TMEM131: variants seen among roughly 807,000 people sequenced by gnomAD.
TMEM131 encodes transmembrane protein 131, also known as 2610524E03Rik.
Under a neutral mutation model 211.6 loss-of-function variants are expected in TMEM131, and 66 were observed. The ratio of observed to expected loss-of-function variants is 0.31; its 90% CI spans 0.26 to 0.38. The LOEUF is 0.38. TMEM131 is among the 10% of genes least tolerant of loss of function. The probability of loss-of-function intolerance (pLI) is 1.00; values close to 1 mark genes in which losing one functional copy is unlikely to be tolerated. For synonymous variants in TMEM131, 844 were observed against 841.3 expected (o/e 1.00, Z -0.06); for missense variants, 2,036 against 2,299.3 (o/e 0.89, Z 2.34).
intron 3 of TMEM131, among the ~76,000 whole-genome samples, chr2:97,905,103 T>C (rs928328966): frequency 1.3e-5 from 2 of 152,224 alleles, no homozygotes; most frequent in Non-Finnish European, 2.9e-5. Context: ...TGTTTTCACC[T>C]CAAATGGTTA....
chr2:97,823,587 C>T (rs1407306027), intron 11 of TMEM131, among the ~76,000 whole-genome samples: 7 of 152,130 alleles, frequency 4.6e-5, no homozygotes, highest in African/African-American at 1.4e-4. Flanking sequence ...AATTCCCTAC[C>T]GGTCAGCAAG....
intron 4 of TMEM131, among the ~76,000 whole-genome samples, chr2:97,866,650 CA>C (rs544135387): frequency 3.3e-5 from 5 of 152,102 alleles, no homozygotes; most frequent in Admixed American, 1.3e-4. Flanking sequence ...TCCTTCCCAG[CA>C]ATGTTTTTGC....
At chr2:97,836,858 A>G (rs768271794) in intron 8 of TMEM131, among the ~76,000 whole-genome samples, 3 of 151,972 alleles carry the variant, frequency 2.0e-5, no homozygotes, top group Non-Finnish European at 4.4e-5. Context: ...GTGGGGTAGA[A>G]CTCCCACCAA....
intron 2 of TMEM131, among the ~76,000 whole-genome samples, chr2:97,914,393 T>A (rs1448753686): frequency 2.0e-5 from 3 of 152,226 alleles, no homozygotes; most frequent in Admixed American, 1.3e-4. Flanking sequence ...CAGTTTTGTA[T>A]GTCCTCATTT....
intron 4 of TMEM131, 72 bp downstream of exon 4, chr2:97,887,980 G>T: frequency 8.1e-7 from 1 of 1,237,154 alleles, no homozygotes; most frequent in Non-Finnish European, 1.2e-6. Flanking sequence ...ACAGGCAAAA[G>T]ACAAGACAAA....
intron 11 of TMEM131, among the ~76,000 whole-genome samples, chr2:97,820,206 TTGGATCTCTAGC>T (rs1170345979): frequency 2.6e-5 from 4 of 152,360 alleles, no homozygotes; most frequent in African/African-American, 9.6e-5. Flanking sequence ...TCAATTGCTT[TTGGATCTCTAGC>T]TGGGGCTGGG....
chr2:97,904,060 G>A (rs569614278), intron 3 of TMEM131, among the ~76,000 whole-genome samples: 1 of 152,272 alleles, frequency 6.6e-6, no homozygotes, highest in South Asian at 2.1e-4. Context: ...CTACATTAGA[G>A]ACTAAAGAGA....
At chr2:97,759,970 C>T in intron 38 of TMEM131, 1 of 512,940 alleles carries the variant, frequency 1.9e-6, no homozygotes. Flanking sequence ...AGCTCACAGC[C>T]AGGTTCAAAG....
chr2:97,791,890 T>C (rs907534269), intron 31 of TMEM131, among the ~76,000 whole-genome samples: 2 of 152,218 alleles, frequency 1.3e-5, no homozygotes, highest in African/African-American at 4.8e-5. Context: ...AACTGTGCCA[T>C]AGAAGCATGA....
intron 4 of TMEM131, among the ~76,000 whole-genome samples, chr2:97,880,932 A>G (rs1230632590): frequency 6.6e-6 from 1 of 152,222 alleles, no homozygotes; most frequent in African/African-American, 2.4e-5. Flanking sequence ...ATAGGCAGGG[A>G]AAGATCTGAG....
intron 1 of TMEM131, among the ~76,000 whole-genome samples, chr2:97,980,728 C>T (rs1363154528): frequency 6.6e-6 from 1 of 151,612 alleles, no homozygotes; most frequent in Non-Finnish European, 1.5e-5. Flanking sequence ...TACTACTCAA[C>T]ATTAGAGACT....
At chr2:97,811,704 G>A (rs777373272) in intron 17 of TMEM131, among the ~76,000 whole-genome samples, 5 of 152,182 alleles carry the variant, frequency 3.3e-5, no homozygotes, top group Admixed American at 1.3e-4. Context: ...GGCATTCCAC[G>A]GAAACGTGTT....
intron 2 of TMEM131, among the ~76,000 whole-genome samples, chr2:97,921,081 A>C (rs1676722567): frequency 6.6e-6 from 1 of 152,086 alleles, no homozygotes; most frequent in Non-Finnish European, 1.5e-5. Context: ...AGAATAACAA[A>C]GTGTCAGGAT....
chr2:97,827,282 C>T, intron 11 of TMEM131: 1 of 783,540 alleles, frequency 1.3e-6, no homozygotes. Context: ...GCTGAAGCCG[C>T]TGCCAAGGAA....
chr2:97,770,266 G>T (rs1448460361), intron 33 of TMEM131, among the ~76,000 whole-genome samples: 3 of 152,168 alleles, frequency 2.0e-5, no homozygotes, highest in Non-Finnish European at 4.4e-5. Context: ...TTGATTAAAT[G>T]ATTGATGAAC....
intron 33 of TMEM131, among the ~76,000 whole-genome samples, chr2:97,771,420 T>C (rs1390462478): frequency 6.6e-6 from 1 of 152,132 alleles, no homozygotes; most frequent in Admixed American, 6.5e-5. Context: ...TCAAGTATGA[T>C]TCCCAGGATC....
At chr2:97,810,889 C>T (rs17490081) in intron 18 of TMEM131, among the ~76,000 whole-genome samples, 62 of 152,270 alleles carry the variant, frequency 4.1e-4, no homozygotes, top group South Asian at 1.0e-3. Context: ...CAATTCTAAA[C>T]GTGCTAAAGG....
At chr2:97,975,082 C>T (rs1440635293) in intron 1 of TMEM131, among the ~76,000 whole-genome samples, 1 of 152,024 alleles carries the variant, frequency 6.6e-6, no homozygotes, top group Non-Finnish European at 1.5e-5. Context: ...CTCAAAAGAA[C>T]TAATGTCATA....
At chr2:97,843,195 C>T (rs2105105803) in intron 6 of TMEM131, among the ~76,000 whole-genome samples, 1 of 152,220 alleles carries the variant, frequency 6.6e-6, no homozygotes, top group Non-Finnish European at 1.5e-5. Context: ...GTTTGAGTCC[C>T]CCTCAACAAC....
Sources: allele counts gnomAD v4.1 joint callset (sites outside exome capture counted in the v4.1 genomes callset), GRCh38; gene constraint gnomAD v4.1.1; transcripts MANE v1.5; gene names NCBI Gene and HGNC (gene_info 2026-07-23, HGNC 2026-07-21).